The following CABIN1 variants were observed in gnomAD, a reference collection of about 807,000 sequenced individuals.
CABIN1 encodes calcineurin-binding protein cabin-1.
A neutral mutation model predicts 227.7 loss-of-function variants in CABIN1; 133 were observed. The ratio of observed to expected loss-of-function variants is 0.58; its 90% CI spans 0.51 to 0.67. The LOEUF is 0.67. Ranked by LOEUF, CABIN1 falls within the 30% of genes least tolerant of loss-of-function variation. The pLI is 0.00. For missense variants in CABIN1, 2,408 were observed against 2,852.5 expected (o/e 0.84, Z 3.55); for synonymous variants, 1,086 against 1,155.1 (o/e 0.94, Z 1.21).
chr22:24,038,663 G>A (rs927510001), intron 4 of CABIN1, among the ~76,000 whole-genome samples: 2 of 152,238 alleles, frequency 1.3e-5, no homozygotes, highest in Non-Finnish European at 2.9e-5. Context: ...ATCCAGTGAA[G>A]CATGTAAAAT....
intron 28 of CABIN1, among the ~76,000 whole-genome samples, chr22:24,122,186 T>C (rs1271411237): frequency 6.6e-6 from 1 of 152,146 alleles, no homozygotes; most frequent in Admixed American, 6.5e-5. Context: ...TTGATGATTT[T>C]TTTAGAAGTA....
Position 24,083,380 on chromosome 22 carries a change from G to T in CABIN1, c.2901G>T (p.Ser967=). 6.2e-7 allele frequency: 1 copy of T among 1,613,886 alleles called. No homozygotes were observed. The highest frequency in any genetic ancestry group is 1.1e-5 in the South Asian group (1 of 91,078). The change falls in exon 20 of 37, where the codon TCG becomes TCT. Residue 967 remains serine, a synonymous_variant. Coordinates refer to ENST00000263119, the MANE Select transcript of CABIN1 (RefSeq NM_012295.4). ...KSKARYLEEH[S]AQQVDLIWED... ...AGGCCAGGTACCTGGAGGAACACTCGGCCCAGCAGGTGAGGGTGCTGCAAT... is the reference window on the plus strand; with the variant it reads ...AGGCCAGGTACCTGGAGGAACACTCTGCCCAGCAGGTGAGGGTGCTGCAAT...
chr22:24,042,425 T>A (rs1335374853), intron 5 of CABIN1, among the ~76,000 whole-genome samples: 1 of 151,858 alleles, frequency 6.6e-6, no homozygotes, highest in African/African-American at 2.4e-5. Flanking sequence ...TACAAAAAAA[T>A]TGAAAATTAG....
chr22:24,037,630 C>T (rs886702798), intron 3 of CABIN1, among the ~76,000 whole-genome samples: 1 of 152,178 alleles, frequency 6.6e-6, no homozygotes, highest in Admixed American at 6.5e-5. Flanking sequence ...ACATTTTACT[C>T]ACAACCCTTC....
intron 1 of CABIN1, among the ~76,000 whole-genome samples, chr22:24,028,335 C>T (rs1178036582): frequency 6.6e-6 from 1 of 152,128 alleles, no homozygotes; most frequent in African/African-American, 2.4e-5. Flanking sequence ...GTCAAAAAAA[C>T]GGGGACTGTT....
At chr22:24,120,826 T>C (rs549138009) in intron 28 of CABIN1, among the ~76,000 whole-genome samples, 28 of 151,952 alleles carry the variant, frequency 1.8e-4, no homozygotes, top group African/African-American at 6.8e-4. Flanking sequence ...ACAAAAATAA[T>C]AAATAAAAAA....
At chr22:24,081,267 C>T (rs1392792402) in intron 19 of CABIN1, among the ~76,000 whole-genome samples, 1 of 152,150 alleles carries the variant, frequency 6.6e-6, no homozygotes, top group African/African-American at 2.4e-5. Context: ...GGTGGTTTGC[C>T]ACCTGTGGTC....
At position 24,067,101 on chromosome 22, in the gene CABIN1, A is replaced by G; in HGVS notation, c.2152A>G (p.Thr718Ala). 6.2e-7 allele frequency: 1 copy of G among 1,614,170 alleles called. No homozygotes were observed. Among genetic ancestry groups the G allele is most frequent in the Non-Finnish European group, 8.5e-7 (1 of 1,180,016 alleles). Reference sequence around the variant, plus strand: ...GCATCTGCTCCGCCCCACTTTGTGCACCAGTGGGTTTGACCGGGCCAAACA... The same window carrying G: ...GCATCTGCTCCGCCCCACTTTGTGCGCCAGTGGGTTTGACCGGGCCAAACA... ...VVHLLRPTLC[T>A]SGFDRAKHLE... Residue 718 changes from threonine to alanine, a missense_variant, in exon 16 of 37, where the codon ACC becomes GCC. This residue lies in a region of CABIN1 where 1,045 missense variants were observed against 1,168.4 expected (regional missense o/e 0.89). Transcript: ENST00000263119.
At chr22:24,175,506 G>C (rs2047054156) in intron 34 of CABIN1, among the ~76,000 whole-genome samples, 1 of 152,254 alleles carries the variant, frequency 6.6e-6, no homozygotes, top group Non-Finnish European at 1.5e-5. Flanking sequence ...AGGGAAGTGA[G>C]GGCCTGGAGG....
intron 23 of CABIN1, among the ~76,000 whole-genome samples, 166 bp downstream of exon 23, chr22:24,087,879 G>A (rs1002014227): frequency 6.6e-6 from 1 of 152,152 alleles, no homozygotes; most frequent in Non-Finnish European, 1.5e-5. Flanking sequence ...CATGGTCAGT[G>A]ACAACTTGGT....
intron 34 of CABIN1, among the ~76,000 whole-genome samples, chr22:24,172,731 C>T (rs985148777): frequency 3.3e-5 from 5 of 152,328 alleles, no homozygotes; most frequent in Non-Finnish European, 7.4e-5. Flanking sequence ...GTAGAGGCAG[C>T]GCTGCTACAG....
intron 4 of CABIN1, among the ~76,000 whole-genome samples, chr22:24,040,287 C>G (rs2147063704): frequency 6.6e-6 from 1 of 152,198 alleles, no homozygotes; most frequent in South Asian, 2.1e-4. Context: ...TAAAGAAGTT[C>G]CTTAAGACCT....
intron 1 of CABIN1, among the ~76,000 whole-genome samples, chr22:24,013,512 T>A (rs997747482): frequency 2.0e-5 from 3 of 152,210 alleles, no homozygotes; most frequent in African/African-American, 7.2e-5. Flanking sequence ...TTAAGCTTTT[T>A]AAACTAATTT....
At chr22:24,105,777 A>G (rs981235519) in intron 26 of CABIN1, among the ~76,000 whole-genome samples, 10 of 152,162 alleles carry the variant, frequency 6.6e-5, no homozygotes, top group African/African-American at 2.4e-4. Context: ...AAGCCCCTCC[A>G]CAGAAAAACA....
chr22:24,136,987 G>C (rs910912735), intron 29 of CABIN1, among the ~76,000 whole-genome samples: 2 of 152,162 alleles, frequency 1.3e-5, no homozygotes, highest in African/African-American at 4.8e-5. Context: ...GTTGGAGCTA[G>C]ACAAGTTGCT....
intron 33 of CABIN1, among the ~76,000 whole-genome samples, chr22:24,168,980 C>T (rs779803176): frequency 6.6e-6 from 1 of 152,030 alleles, no homozygotes; most frequent in Non-Finnish European, 1.5e-5. Flanking sequence ...AGGCAGGAGT[C>T]CTGGAGTTTA....
chr22:24,167,815 T>G (rs569455149), intron 32 of CABIN1, among the ~76,000 whole-genome samples: 1 of 152,352 alleles, frequency 6.6e-6, no homozygotes, highest in East Asian at 1.9e-4. Context: ...CCTCTAATCA[T>G]GTCAGTTTGC....
intron 24 of CABIN1, 178 bp downstream of exon 24, chr22:24,092,021 G>T (rs1184904665): frequency 4.1e-6 from 3 of 736,548 alleles, no homozygotes; most frequent in East Asian, 5.4e-5. Flanking sequence ...TTTTCCCAAG[G>T]GGTGTTTATC....
chr22:24,147,054 A>G lies in CABIN1; in HGVS notation c.4746+12639A>G, dbSNP rs919256732. On this transcript the variant is annotated intron_variant, in intron 29 of 36. Coordinates refer to ENST00000263119, the MANE Select transcript of CABIN1 (RefSeq NM_012295.4). ...TCCCTAGTGGGATGCCAGTGTTTGTATATACATCCACCACCTCAGCCCACA... is the reference window on the plus strand; with the variant it reads ...TCCCTAGTGGGATGCCAGTGTTTGTGTATACATCCACCACCTCAGCCCACA... 3.3e-5 allele frequency among the ~76,000 whole-genome samples: 5 copies of G among 152,302 alleles called. No homozygotes were observed. In the South Asian group the frequency reaches 8.3e-4, roughly 25 times the overall value.
Sources: allele counts gnomAD v4.1 joint callset (sites outside exome capture counted in the v4.1 genomes callset), GRCh38; gene constraint gnomAD v4.1.1; regional missense constraint gnomAD v4.1.1; transcripts MANE v1.5; gene names NCBI Gene and HGNC (gene_info 2026-07-23, HGNC 2026-07-21).